Variants in LRBA observed in about 807,000 individuals in gnomAD.
The protein encoded by LRBA is lipopolysaccharide-responsive and beige-like anchor protein.
LRBA carries 176 observed loss-of-function variants against 330.0 expected under a neutral mutation model. The observed-to-expected ratio is 0.53, with a 90% CI of 0.47 to 0.60. The LOEUF (loss-of-function observed/expected upper bound fraction) is 0.60. Among genes scored for constraint, LRBA ranks in the 20% least tolerant of loss-of-function variants. The pLI is 0.00. For synonymous variants in LRBA, 1,230 were observed against 1,193.0 expected (o/e 1.03, Z -0.64); for missense variants, 3,259 against 3,444.8 (o/e 0.95, Z 1.35).
At chr4:150,674,921 T>C (rs1782397503) in intron 37 of LRBA, among the ~76,000 whole-genome samples, 1 of 151,614 alleles carries the variant, frequency 6.6e-6, no homozygotes, top group Non-Finnish European at 1.5e-5. Flanking sequence ...TACCAACTAC[T>C]AATATTAAGA....
intron 40 of LRBA, among the ~76,000 whole-genome samples, chr4:150,572,122 C>G (rs941817092): frequency 2.0e-5 from 3 of 151,830 alleles, no homozygotes; most frequent in Non-Finnish European, 4.4e-5. Context: ...TGTAAATAAC[C>G]ACATGAAATG....
chr4:150,583,124 G>C lies in LRBA; in HGVS notation c.6330+4924C>G, dbSNP rs745388806. On this transcript the variant is annotated intron_variant, in intron 40 of 56. Transcript: ENST00000651943. This position sits in a 1 kb window ranked among gnomAD's most constrained non-coding sequence, Gnocchi z 9.8. ...AAGGCGGCCATCGCCAAAACCATCC[G>C]AGAGGTCTGTAAGGTGGTCTCGGAC... The C allele has an allele frequency of 6.2e-6, 10 of 1,614,208 alleles. No homozygotes were observed. Among genetic ancestry groups the C allele is most frequent in the Non-Finnish European group, 7.6e-6 (9 of 1,180,026 alleles).
At chr4:150,919,789 C>G (rs1733043893) in intron 5 of LRBA, among the ~76,000 whole-genome samples, 1 of 152,202 alleles carries the variant, frequency 6.6e-6, no homozygotes, top group Non-Finnish European at 1.5e-5. Context: ...AAGGAAGTCA[C>G]TAAACATATT....
intron 36 of LRBA, among the ~76,000 whole-genome samples, chr4:150,725,564 C>T (rs537412613): frequency 6.6e-6 from 1 of 152,132 alleles, no homozygotes; most frequent in Non-Finnish European, 1.5e-5. Flanking sequence ...CAACACCAGG[C>T]GTGTCCTAAA....
rs192027209 is a variant in LRBA, at chr4:150,806,302, G to A, written c.5487C>T (p.Ser1829=). Residue 1829 remains serine, a synonymous_variant, in exon 33 of 57, where the codon AGC becomes AGT. Transcript: ENST00000651943. The part of the protein sequence containing the change: ...APFLSRTLLG[S]HGQELLIEGT... ...CTTCTATAAGCAGTTCTTGTCCATGGCTACCCAAAAGTGTCCGAGAAAGAA... is the reference window on the plus strand; with the variant it reads ...CTTCTATAAGCAGTTCTTGTCCATGACTACCCAAAAGTGTCCGAGAAAGAA... 8 of 1,605,338 alleles carry A rather than the reference G, an allele frequency of 5.0e-6. No homozygotes were observed. The highest frequency in any genetic ancestry group is 8.5e-7 in the Non-Finnish European group (1 of 1,176,146).
chr4:150,678,942 T>C (rs1224548054), intron 37 of LRBA, among the ~76,000 whole-genome samples: 1 of 152,150 alleles, frequency 6.6e-6, no homozygotes, highest in African/African-American at 2.4e-5. Context: ...GTAAGGTATA[T>C]TAGCATTTTA....
chr4:150,486,577 A>AT (rs986482724), intron 42 of LRBA, among the ~76,000 whole-genome samples: 1 of 151,844 alleles, frequency 6.6e-6, no homozygotes, highest in Non-Finnish European at 1.5e-5. Context: ...AAAAATTATC[A>AT]TTTTTTTGTC....
In LRBA at chr4:150,436,811, T is replaced by C; in HGVS notation, c.6834A>G (p.Glu2278=). ...TTGGAACTTGATCATCTTCCCATGA[T>C]TCATAACGCTCAGCGAAGAATGCTG... ...KRAAFFAERY[E]SWEDDQVPKF... The change falls in exon 45 of 57, where the codon GAA becomes GAG. Residue 2278 remains glutamate, a synonymous_variant. Transcript: ENST00000651943. The C allele has an allele frequency of 6.2e-7, 1 of 1,613,814 alleles. No homozygotes were observed. Among genetic ancestry groups the C allele is most frequent in the Non-Finnish European group, 8.5e-7 (1 of 1,179,840 alleles).
chr4:150,502,729 G>A (rs758080185), intron 40 of LRBA, among the ~76,000 whole-genome samples: 7 of 152,214 alleles, frequency 4.6e-5, no homozygotes, highest in East Asian at 3.9e-4. Flanking sequence ...GCAGCGCACC[G>A]TGCGTGAGGC....
At chr4:150,825,672 G>T (rs796090483) in intron 30 of LRBA, among the ~76,000 whole-genome samples, 1 of 152,168 alleles carries the variant, frequency 6.6e-6, no homozygotes, top group African/African-American at 2.4e-5. Context: ...GTGTATCACG[G>T]TAAAAGTGCT....
At chr4:150,809,022 C>A (rs569452858) in intron 31 of LRBA, among the ~76,000 whole-genome samples, 2 of 152,236 alleles carry the variant, frequency 1.3e-5, no homozygotes, top group African/African-American at 4.8e-5. Flanking sequence ...TGATTAGAAA[C>A]ACATCAAGGA....
At chr4:150,987,765 G>A (rs1741623472) in intron 2 of LRBA, among the ~76,000 whole-genome samples, 1 of 151,662 alleles carries the variant, frequency 6.6e-6, no homozygotes, top group East Asian at 1.9e-4. Flanking sequence ...ACTGTGAGAG[G>A]CCGAGGCAGG....
intron 47 of LRBA, among the ~76,000 whole-genome samples, chr4:150,402,179 A>C (rs1910720): frequency 1.3e-5 from 2 of 148,466 alleles, no homozygotes; most frequent in African/African-American, 2.5e-5. Context: ...GCAAGTTTTT[A>C]TAAGTTTGGA....
intron 5 of LRBA, 46 bp from the exon 6 acceptor site, chr4:150,916,784 C>A: frequency 6.9e-7 from 1 of 1,456,208 alleles, no homozygotes; most frequent in South Asian, 1.5e-5. Context: ...GAAAACCTGT[C>A]TTATTAAAAT....
intron 5 of LRBA, among the ~76,000 whole-genome samples, chr4:150,917,066 C>T (rs1408237421): frequency 6.6e-5 from 10 of 151,670 alleles, no homozygotes; most frequent in South Asian, 2.1e-4. Flanking sequence ...GACAGGAGAA[C>T]GGCGTGAACC....
chr4:150,876,420 C>T (rs1754032987), intron 17 of LRBA, among the ~76,000 whole-genome samples: 1 of 151,974 alleles, frequency 6.6e-6, no homozygotes, highest in African/African-American at 2.4e-5. Context: ...ACCAGACTGC[C>T]CAAGATCAAT....
intron 40 of LRBA, among the ~76,000 whole-genome samples, chr4:150,560,856 C>CA (rs1209858481): frequency 2.6e-5 from 4 of 152,156 alleles, no homozygotes; most frequent in Non-Finnish European, 5.9e-5. Flanking sequence ...CATGGTGGCA[C>CA]ATGTCTGTAA....
chr4:150,658,132 C>T (rs934808348), intron 37 of LRBA, among the ~76,000 whole-genome samples: 2 of 151,884 alleles, frequency 1.3e-5, no homozygotes, highest in African/African-American at 2.4e-5. Context: ...CCCTGACGAT[C>T]GATACTCCAC....
At chr4:150,639,453 A>G (rs950850307) in intron 37 of LRBA, among the ~76,000 whole-genome samples, 2 of 149,670 alleles carry the variant, frequency 1.3e-5, no homozygotes, top group Non-Finnish European at 3.0e-5. Flanking sequence ...ATCTAAAAAT[A>G]ATGCACTTTC....
Sources: gnomAD v4.1 joint callset for allele counts (sites outside exome capture counted in the v4.1 genomes callset) on GRCh38, gnomAD v4.1.1 for gene constraint, Gnocchi (gnomAD v3.1) non-coding constraint, MANE v1.5 for transcripts, NCBI Gene and HGNC (gene_info 2026-07-23, HGNC 2026-07-21) for gene names.